The following CCDC178 variants were observed in gnomAD, a reference collection of about 807,000 sequenced individuals.
CCDC178 encodes the protein coiled-coil domain-containing protein 178.
CCDC178 carries 126 observed loss-of-function variants against 117.4 expected under a neutral mutation model. The ratio of observed to expected loss-of-function variants is 1.07; its 90% CI spans 0.93 to 1.24. CCDC178 has a LOEUF of 1.24. CCDC178 is among the 50% of genes most tolerant of loss of function. The pLI, the probability that CCDC178 is intolerant of heterozygous loss-of-function variation, is 0.00. For synonymous variants in CCDC178, 283 were observed against 313.4 expected (o/e 0.90, Z 1.02); for missense variants, 1,030 against 986.9 (o/e 1.04, Z -0.59).
intron 6 of CCDC178, among the ~76,000 whole-genome samples, chr18:33,356,950 A>T (rs1445147110): frequency 1.3e-5 from 2 of 150,756 alleles, no homozygotes; most frequent in Non-Finnish European, 2.9e-5. Context: ...TTCACCACCT[A>T]TTCTCTCTGA....
chr18:33,309,243 A>G (rs2062301763), intron 11 of CCDC178, among the ~76,000 whole-genome samples: 1 of 152,074 alleles, frequency 6.6e-6, no homozygotes, highest in Non-Finnish European at 1.5e-5. Flanking sequence ...AAAACTTGTG[A>G]ATCAGTGGTA....
chr18:33,232,034 T>C (rs561526770), intron 15 of CCDC178, among the ~76,000 whole-genome samples: 1 of 152,304 alleles, frequency 6.6e-6, no homozygotes, highest in South Asian at 2.1e-4. Flanking sequence ...GATTAAGGTC[T>C]CTGTCACAAC....
intron 20 of CCDC178, among the ~76,000 whole-genome samples, chr18:33,121,257 G>T (rs2057932398): frequency 6.6e-6 from 1 of 152,094 alleles, no homozygotes; most frequent in East Asian, 1.9e-4. Flanking sequence ...GCGTCAAAGG[G>T]CAAAGAGACA....
chr18:32,937,796 T>C lies in CCDC178; in HGVS notation c.*215A>G. 1 of 502,880 alleles carries C rather than the reference T, an allele frequency of 2.0e-6. No homozygotes were observed. Among genetic ancestry groups the C allele is most frequent in the South Asian group, 3.2e-5 (1 of 30,970 alleles). The allele number at this position is 502,880 out of a possible 1,614,324, so 31.2% of individuals were successfully genotyped here. On this transcript the variant is annotated 3_prime_UTR_variant, in exon 23 of 23. Transcript: ENST00000383096. ...GCAATCAGTCACCCAGAGCTGAAATTAGATCGTTCCTGACAGCAGCATGAA... is the reference window on the plus strand; with the variant it reads ...GCAATCAGTCACCCAGAGCTGAAATCAGATCGTTCCTGACAGCAGCATGAA...
intron 3 of CCDC178, among the ~76,000 whole-genome samples, chr18:33,407,050 T>C (rs1459624239): frequency 1.3e-5 from 2 of 152,276 alleles, no homozygotes; most frequent in Non-Finnish European, 1.5e-5. Context: ...TAGAGGGCAG[T>C]CTTCTGAATG....
chr18:33,115,236 C>T (rs2057839199), intron 20 of CCDC178, among the ~76,000 whole-genome samples: 1 of 151,904 alleles, frequency 6.6e-6, no homozygotes, highest in African/African-American at 2.4e-5. Context: ...TGACTTAGGC[C>T]CAACCTTTCA....
intron 21 of CCDC178, among the ~76,000 whole-genome samples, chr18:32,976,987 G>T (rs1309738715): frequency 6.6e-6 from 1 of 152,064 alleles, no homozygotes; most frequent in East Asian, 1.9e-4. Flanking sequence ...ATTGTCTGTT[G>T]TGGGTGGAGG....
At chr18:33,119,083 C>T (rs948505386) in intron 20 of CCDC178, among the ~76,000 whole-genome samples, 10 of 152,232 alleles carry the variant, frequency 6.6e-5, no homozygotes, top group Non-Finnish European at 1.3e-4. Context: ...ACCATAAAAA[C>T]CCTAGAAGAA....
At chr18:33,165,473 G>A (rs2058517554) in intron 20 of CCDC178, among the ~76,000 whole-genome samples, 1 of 152,132 alleles carries the variant, frequency 6.6e-6, no homozygotes, top group African/African-American at 2.4e-5. Flanking sequence ...TGCATCCTCA[G>A]GTTTTGGTAT....
intron 21 of CCDC178, among the ~76,000 whole-genome samples, chr18:33,007,896 T>C (rs554877723): frequency 4.5e-4 from 69 of 152,244 alleles, no homozygotes; most frequent in African/African-American, 1.6e-3. Context: ...CATTGTGCAA[T>C]AGCATCTATA....
chr18:32,984,128 G>GA (rs2055211357), intron 21 of CCDC178, among the ~76,000 whole-genome samples: 1 of 151,762 alleles, frequency 6.6e-6, no homozygotes, highest in African/African-American at 2.4e-5. Flanking sequence ...ATGTACTTAA[G>GA]AAAAATAAGA....
At chr18:33,201,134 A>G (rs1343904305) in intron 20 of CCDC178, among the ~76,000 whole-genome samples, 1 of 152,186 alleles carries the variant, frequency 6.6e-6, no homozygotes, top group Non-Finnish European at 1.5e-5. Context: ...ACTTCAAAGC[A>G]TTCACCAAGT....
At chr18:33,168,121 C>T (rs1037936221) in intron 20 of CCDC178, among the ~76,000 whole-genome samples, 5 of 152,010 alleles carry the variant, frequency 3.3e-5, no homozygotes, top group African/African-American at 7.3e-5. Flanking sequence ...GTTTTTGTTG[C>T]GATTGCTTGT....
At chr18:33,076,460 G>T (rs747219348) in intron 21 of CCDC178, among the ~76,000 whole-genome samples, 1 of 152,138 alleles carries the variant, frequency 6.6e-6, no homozygotes, top group African/African-American at 2.4e-5. Context: ...GCTTACTGCC[G>T]CATTTCAGAT....
chr18:33,024,860 C>G (rs1394258932), intron 21 of CCDC178, among the ~76,000 whole-genome samples: 2 of 151,364 alleles, frequency 1.3e-5, no homozygotes, highest in Non-Finnish European at 2.9e-5. Flanking sequence ...ACCGTGTTAC[C>G]CAGGATGGTC....
At chr18:33,115,651 A>G (rs1480646084) in intron 20 of CCDC178, among the ~76,000 whole-genome samples, 1 of 151,976 alleles carries the variant, frequency 6.6e-6, no homozygotes. Flanking sequence ...ATACATTTGC[A>G]TACTTCACCT....
intron 20 of CCDC178, among the ~76,000 whole-genome samples, chr18:33,096,124 C>G (rs112437489): frequency 1.9e-4 from 29 of 150,822 alleles, no homozygotes; most frequent in Non-Finnish European, 1.6e-4. Context: ...CCACCCCCCC[C>G]ACTTGACTTT....
At chr18:32,989,021 A>G (rs1363124264) in intron 21 of CCDC178, among the ~76,000 whole-genome samples, 1 of 152,124 alleles carries the variant, frequency 6.6e-6, no homozygotes, top group East Asian at 1.9e-4. Context: ...TTATAGGATA[A>G]TTTTTCCAAG....
At chr18:33,348,073 A>G (rs1177080428) in intron 8 of CCDC178, among the ~76,000 whole-genome samples, 1 of 151,992 alleles carries the variant, frequency 6.6e-6, no homozygotes, top group African/African-American at 2.4e-5. Context: ...ATTTTTTCTC[A>G]GCATTTGTTA....
Sources: gnomAD v4.1 joint callset for allele counts (sites outside exome capture counted in the v4.1 genomes callset) on GRCh38, gnomAD v4.1.1 for gene constraint, MANE v1.5 for transcripts, NCBI Gene and HGNC (gene_info 2026-07-23, HGNC 2026-07-21) for gene names.